SORCS2: variants seen among roughly 807,000 people sequenced by gnomAD.
SORCS2 encodes the protein VPS10 domain-containing receptor SorCS2.
In SORCS2, 100 loss-of-function variants were observed where a neutral mutation model predicts 141.6. The observed-to-expected ratio is 0.71, with a 90% CI of 0.60 to 0.83. SORCS2 has a LOEUF of 0.83. SORCS2 is among the 40% of genes least tolerant of loss of function. The probability of loss-of-function intolerance (pLI) is 0.00; values close to 1 mark genes in which losing one functional copy is unlikely to be tolerated. For missense variants in SORCS2, 1,646 were observed against 1,560.2 expected, an observed-to-expected ratio of 1.05 and a Z score of -0.93; for synonymous variants, 789 against 676.9, an observed-to-expected ratio of 1.17 and a Z score of -2.57.
chr4:7,611,884 G>C (rs905807551), intron 3 of SORCS2, among the ~76,000 whole-genome samples: 2 of 152,262 alleles, frequency 1.3e-5, no homozygotes, highest in African/African-American at 4.8e-5. Flanking sequence ...CTCCAGACAG[G>C]CTTGCCGAGC....
At chr4:7,690,661 G>GGT (rs1055835976) in intron 11 of SORCS2, among the ~76,000 whole-genome samples, 3 of 152,006 alleles carry the variant, frequency 2.0e-5, no homozygotes, top group African/African-American at 7.2e-5. Context: ...ATGGATAGAT[G>GGT]GTGAATGGAT....
intron 1 of SORCS2, among the ~76,000 whole-genome samples, chr4:7,223,702 G>T (rs937632366): frequency 2.0e-5 from 3 of 152,120 alleles, no homozygotes; most frequent in African/African-American, 7.2e-5. Flanking sequence ...AGCTCTCAGT[G>T]CAGGTGCCTC....
intron 3 of SORCS2, among the ~76,000 whole-genome samples, chr4:7,629,620 C>T (rs1719750093): frequency 6.6e-6 from 1 of 151,938 alleles, no homozygotes; most frequent in Admixed American, 6.6e-5. Flanking sequence ...CATCCTAGGC[C>T]AGTTCTTTTT....
chr4:7,349,701 A>G (rs1720831233), intron 1 of SORCS2, among the ~76,000 whole-genome samples: 2 of 152,196 alleles, frequency 1.3e-5, no homozygotes, highest in Admixed American at 6.5e-5. Flanking sequence ...GGGCCACACC[A>G]GTGCCCAGGT....
At chr4:7,681,995 T>C (rs1723554489) in intron 9 of SORCS2, among the ~76,000 whole-genome samples, 1 of 152,066 alleles carries the variant, frequency 6.6e-6, no homozygotes, top group South Asian at 2.1e-4. Flanking sequence ...TAAATACGGG[T>C]CAAAACCCTC....
intron 3 of SORCS2, among the ~76,000 whole-genome samples, chr4:7,589,739 C>G (rs1716786837): frequency 1.3e-5 from 2 of 152,188 alleles, no homozygotes; most frequent in South Asian, 4.1e-4. Context: ...TGTAGTAATA[C>G]CATGAGGACA....
At chr4:7,573,825 C>A (rs35267475) in intron 3 of SORCS2, among the ~76,000 whole-genome samples, 42,821 of 152,130 alleles carry the variant, frequency 0.28, 7,382 homozygotes, top group East Asian at 0.71. Flanking sequence ...TGGCTTCAGT[C>A]CTTAACTTCA....
rs1274760365 is a variant in SORCS2 at position 7,638,414 on chromosome 4, C to T, written c.735C>T (p.Pro245=). ...ADEGATFQKQ[P]IPFFVETLIF... ...AAGGCGCCACCTTTCAGAAGCAGCC[C>T]ATTCCCTTCTTCGTGGAAACTCTGA... The change falls in exon 4 of 27, where the codon CCC becomes CCT. Residue 245 remains proline (P), a synonymous_variant. Transcript: ENST00000507866. The T allele has an allele frequency of 3.1e-6, 5 of 1,601,108 alleles. No individual in the cohort carries two copies. In the African/African-American group the frequency reaches 5.4e-5, roughly 17 times the overall value.
intron 1 of SORCS2, among the ~76,000 whole-genome samples, chr4:7,240,054 G>A (rs1260283156): frequency 2.0e-5 from 3 of 152,136 alleles, no homozygotes; most frequent in Non-Finnish European, 2.9e-5. Flanking sequence ...CTGTAGACCC[G>A]GTTTCTAATT....
At chr4:7,253,223 C>T (rs1713624589) in intron 1 of SORCS2, among the ~76,000 whole-genome samples, 1 of 152,230 alleles carries the variant, frequency 6.6e-6, no homozygotes, top group Non-Finnish European at 1.5e-5. Flanking sequence ...CTCCCTTGTC[C>T]CCAGGAGCCC....
chr4:7,605,687 A>G (rs533701818), intron 3 of SORCS2, among the ~76,000 whole-genome samples: 1 of 152,010 alleles, frequency 6.6e-6, no homozygotes, highest in Non-Finnish European at 1.5e-5. Flanking sequence ...TCCCTGGTGG[A>G]TGTTTTGGGA....
Position 7,740,224 on chromosome 4 carries a change from G to A in SORCS2, c.3440G>A (p.Ser1147Asn). The change falls in exon 27 of 27, where the codon AGC (serine) becomes AAC (asparagine). Residue 1147 changes from serine (S) to asparagine (N), a missense_variant. By Grantham distance (46) the Ser-to-Asn change is conservative. Coordinates refer to ENST00000507866, the MANE Select transcript of SORCS2 (RefSeq NM_020777.3). Reference protein sequence around the residue: ...VQGNHSGVVLSINSREMHSYL... With the variant: ...VQGNHSGVVLNINSREMHSYL... ...GGCAACCACTCAGGCGTGGTCCTGA[G>A]CATCAACTCCCGAGAGATGCACAGC... 6.2e-7 allele frequency: 1 copy of A among 1,609,562 alleles called. No individual in the cohort carries two copies. Among genetic ancestry groups the A allele is most frequent in the Non-Finnish European group, 8.5e-7 (1 of 1,179,450 alleles).
chr4:7,194,623 G>T (rs1727058666), intron 1 of SORCS2, among the ~76,000 whole-genome samples: 1 of 152,068 alleles, frequency 6.6e-6, no homozygotes, highest in Non-Finnish European at 1.5e-5. Flanking sequence ...CAGTCAGGGT[G>T]CCGGCTGGGG....
At chr4:7,424,961 C>T (rs1003500713) in intron 2 of SORCS2, among the ~76,000 whole-genome samples, 37 of 152,326 alleles carry the variant, frequency 2.4e-4, no homozygotes, top group Admixed American at 2.1e-3. Context: ...CCCGGAGGGC[C>T]GCGGGGTCAG....
At chr4:7,330,546 G>A (rs1719590255) in intron 1 of SORCS2, among the ~76,000 whole-genome samples, 1 of 151,534 alleles carries the variant, frequency 6.6e-6, no homozygotes, top group Non-Finnish European at 1.5e-5. Context: ...TGTGGCTGGG[G>A]CGAGTCCTCA....
At chr4:7,735,864 T>C (rs1389753087) in intron 25 of SORCS2, among the ~76,000 whole-genome samples, 2 of 152,202 alleles carry the variant, frequency 1.3e-5, no homozygotes, top group African/African-American at 4.8e-5. Flanking sequence ...CCACTGCAAC[T>C]GGGGTTTGTC....
At chr4:7,555,745 A>G (rs1714059098) in intron 3 of SORCS2, among the ~76,000 whole-genome samples, 1 of 152,106 alleles carries the variant, frequency 6.6e-6, no homozygotes, top group Non-Finnish European at 1.5e-5. Flanking sequence ...ATCATGGGGG[A>G]TTTTTCCCTG....
intron 1 of SORCS2, among the ~76,000 whole-genome samples, chr4:7,315,148 C>T (rs1173918098): frequency 6.6e-6 from 1 of 152,170 alleles, no homozygotes; most frequent in Non-Finnish European, 1.5e-5. Flanking sequence ...CGCTGTTCTT[C>T]TTGTAGCTCT....
At chr4:7,340,433 C>T (rs1321727232) in intron 1 of SORCS2, among the ~76,000 whole-genome samples, 1 of 152,236 alleles carries the variant, frequency 6.6e-6, no homozygotes, top group Non-Finnish European at 1.5e-5. Flanking sequence ...CTCTGCGTGT[C>T]CTGGCGTTTT....
Sources: gnomAD v4.1 joint callset for allele counts (sites outside exome capture counted in the v4.1 genomes callset) on GRCh38, gnomAD v4.1.1 for gene constraint, MANE v1.5 for transcripts, NCBI Gene and HGNC (gene_info 2026-07-23, HGNC 2026-07-21) for gene names.